The following ABLIM1 variants were observed in gnomAD, a reference collection of about 807,000 sequenced individuals.
ABLIM1 encodes the protein actin binding LIM protein 1, also known as actin-binding LIM protein 1.
Under a neutral mutation model 107.0 loss-of-function variants are expected in ABLIM1, and 40 were observed. The ratio of observed to expected loss-of-function variants is 0.37; its 90% CI spans 0.29 to 0.49. The LOEUF is 0.49. ABLIM1 is among the 20% of genes least tolerant of loss of function. The probability of loss-of-function intolerance (pLI) is 0.97; values close to 1 mark genes in which losing one functional copy is unlikely to be tolerated. For synonymous variants in ABLIM1, 357 were observed against 357.3 expected (o/e 1.00, Z 0.01); for missense variants, 857 against 1,008.5 (o/e 0.85, Z 2.04).
intron 1 of ABLIM1, chr10:114,615,422 G>C (rs2077070897): frequency 5.9e-6 from 2 of 340,036 alleles, no homozygotes; most frequent in African/African-American, 4.2e-5. Flanking sequence ...CCTCCTCTGA[G>C]ACTTCTCCCT....
rs1025051352 is a variant in ABLIM1, at chr10:114,522,386, G to A, written c.894+22619C>T. Among the ~76,000 whole-genome samples the A allele has an allele frequency of 3.3e-5, 5 of 152,082 alleles. No individual in the cohort carries two copies. The East Asian group carries it at 9.6e-4, about 29-fold the overall frequency. On this transcript the variant is annotated intron_variant, in intron 6 of 22. Transcript: ENST00000533213. ...TCTGTTGCCAGACCAGATACATTTGGCATCCTAAACAAGTTGCCAAAACAA... is the reference window on the plus strand; with the variant it reads ...TCTGTTGCCAGACCAGATACATTTGACATCCTAAACAAGTTGCCAAAACAA...
rs1016030993 is a variant in ABLIM1 at position 114,641,266 on chromosome 10, A to C, written c.244+16691T>G. Among the ~76,000 whole-genome samples the C allele has an allele frequency of 1.8e-4, 27 of 149,588 alleles. 1 individual carries two copies. The highest frequency in any genetic ancestry group is 3.1e-4 in the Non-Finnish European group (21 of 67,640). The stretch of plus-strand genomic sequence containing the variant: ...CAATCATAAAAAAAAAAAAAAAAAA[A>C]AAAAAAAAAGTGGACTTCGATGTTA... On this transcript the variant is annotated intron_variant, in intron 1 of 22. Coordinates refer to ENST00000533213, the MANE Select transcript of ABLIM1 (RefSeq NM_002313.7).
At chr10:114,561,003 C>A (rs1224992300) in intron 4 of ABLIM1, among the ~76,000 whole-genome samples, 4 of 152,174 alleles carry the variant, frequency 2.6e-5, no homozygotes, top group African/African-American at 9.7e-5. Flanking sequence ...GCATTAAAGG[C>A]CACTGAAACG....
intron 8 of ABLIM1, among the ~76,000 whole-genome samples, chr10:114,479,589 T>C (rs1442566341): frequency 6.6e-6 from 1 of 152,182 alleles, no homozygotes; most frequent in Non-Finnish European, 1.5e-5. Context: ...GTCTGTCTTA[T>C]CTGCCAGGAC....
intron 1 of ABLIM1, among the ~76,000 whole-genome samples, chr10:114,755,812 AATC>A (rs2142503872): frequency 1.3e-5 from 2 of 152,374 alleles, no homozygotes; most frequent in South Asian, 4.1e-4. Context: ...GCCTTGTGAG[AATC>A]ACAAGCCAGA....
At chr10:114,578,570 C>G (rs1244197192) in intron 2 of ABLIM1, among the ~76,000 whole-genome samples, 1 of 151,806 alleles carries the variant, frequency 6.6e-6, no homozygotes, top group Non-Finnish European at 1.5e-5. Flanking sequence ...CCACACCCGG[C>G]TAATTTTGTA....
At chr10:114,739,028 G>T (rs1357137971) in intron 1 of ABLIM1, among the ~76,000 whole-genome samples, 3 of 152,166 alleles carry the variant, frequency 2.0e-5, no homozygotes, top group African/African-American at 7.2e-5. Context: ...AGAAGTAGAA[G>T]AAAGTCATTA....
chr10:114,789,542 C>T, the ABLIM1 span, among the ~76,000 whole-genome samples: 1 of 152,122 alleles, frequency 6.6e-6, no homozygotes, highest in African/African-American at 2.4e-5. Context: ...ACACTCCCAC[C>T]AGAAGTGTAT....
rs1024148291 is a variant in ABLIM1 at position 114,684,642 on chromosome 10, A to G, written c.-289T>C. ...CTAAAGAGACCCCTTGCAAAAGCAC[A>G]TCAGCTCAATGACGCCACACCCACT... On this transcript the variant is annotated 5_prime_UTR_variant, in exon 1 of 24. Transcript: ENST00000369256. The G allele has an allele frequency of 6.8e-6, 8 of 1,184,400 alleles. No homozygotes were observed. In the African/African-American group the frequency reaches 1.2e-4, roughly 18 times the overall value. 73.4% of individuals were successfully genotyped at this position (1,184,400 alleles called of 1,614,324 possible).
intron 6 of ABLIM1, among the ~76,000 whole-genome samples, chr10:114,539,795 C>A (rs566392472): frequency 3.3e-5 from 5 of 152,192 alleles, no homozygotes; most frequent in African/African-American, 1.2e-4. Flanking sequence ...ATGCCCCACT[C>A]CCCCATGACA....
In ABLIM1 at chr10:114,575,445, A is replaced by C; in HGVS notation, c.534T>G (p.His178Gln). 1 of 1,614,128 alleles carries C rather than the reference A, an allele frequency of 6.2e-7. No individual in the cohort carries two copies. Among genetic ancestry groups the C allele is most frequent in the Non-Finnish European group, 8.5e-7 (1 of 1,180,002 alleles). ...AGATAGTACAAGCAAAGCAATTGGG[A>C]TGGTAGGTCTTGCCCAGAGCAGTCA... The part of the protein sequence containing the change: ...EVVTALGKTY[H>Q]PNCFACTICK... Residue 178 changes from histidine (H) to glutamine (Q), a missense_variant, in exon 3 of 23, where the codon CAT becomes CAG. Transcript: ENST00000533213.
intron 6 of ABLIM1, among the ~76,000 whole-genome samples, chr10:114,499,593 C>T (rs1220356886): frequency 6.6e-6 from 1 of 152,114 alleles, no homozygotes; most frequent in Non-Finnish European, 1.5e-5. Context: ...GTTCGATGGC[C>T]TTAAGGTGGG....
At chr10:114,776,683 G>A in the ABLIM1 span, among the ~76,000 whole-genome samples, 2 of 152,272 alleles carry the variant, frequency 1.3e-5, no homozygotes, top group Admixed American at 1.3e-4. Flanking sequence ...GGAATGCAGT[G>A]GTGTGATCAT....
At chr10:114,724,213 CA>C (rs967764945) in intron 1 of ABLIM1, among the ~76,000 whole-genome samples, 2 of 152,196 alleles carry the variant, frequency 1.3e-5, no homozygotes, top group African/African-American at 4.8e-5. Flanking sequence ...AAGAGACTCA[CA>C]GGGGTCCTCA....
intron 1 of ABLIM1, among the ~76,000 whole-genome samples, chr10:114,609,046 A>C (rs1265606495): frequency 6.6e-6 from 1 of 152,052 alleles, no homozygotes; most frequent in Non-Finnish European, 1.5e-5. Flanking sequence ...CTCAGTCCCA[A>C]ATCATCAAGC....
chr10:114,716,410 AACACACAC>A (rs56097544), intron 1 of ABLIM1, among the ~76,000 whole-genome samples: 1 of 143,534 alleles, frequency 7.0e-6, no homozygotes, highest in Non-Finnish European at 1.5e-5. Flanking sequence ...GGTAGAGAGA[AACACACAC>A]ACACACACAC....
chr10:114,733,989 T>G (rs1187645010), intron 1 of ABLIM1, among the ~76,000 whole-genome samples: 1 of 152,112 alleles, frequency 6.6e-6, no homozygotes, highest in Non-Finnish European at 1.5e-5. Context: ...GCCTGCCAAA[T>G]AGCTAGGATT....
intron 2 of ABLIM1, among the ~76,000 whole-genome samples, chr10:114,586,316 A>G (rs2074188370): frequency 6.6e-6 from 1 of 152,216 alleles, no homozygotes; most frequent in South Asian, 2.1e-4. Flanking sequence ...GTGTTTAGCT[A>G]TACTAAGAAG....
intron 1 of ABLIM1, among the ~76,000 whole-genome samples, chr10:114,751,264 T>C (rs1292075428): frequency 1.3e-5 from 2 of 151,920 alleles, no homozygotes; most frequent in African/African-American, 2.4e-5. Context: ...ATACAAAAGA[T>C]GTAAGTCTGA....
Sources: gnomAD v4.1 joint callset for allele counts (sites outside exome capture counted in the v4.1 genomes callset) on GRCh38, gnomAD v4.1.1 for gene constraint, MANE v1.5 for transcripts, NCBI Gene and HGNC (gene_info 2026-07-23, HGNC 2026-07-21) for gene names.